The following SGCD variants were observed in gnomAD, a reference collection of about 807,000 sequenced individuals.
The protein encoded by SGCD is sarcoglycan delta.
Under a neutral mutation model 36.6 loss-of-function variants are expected in SGCD, and 18 were observed. The observed-to-expected ratio is 0.49, with a 90% confidence interval of 0.34 to 0.73. SGCD has a LOEUF of 0.73. Ranked by LOEUF, SGCD falls within the 30% of genes least tolerant of loss-of-function variation. The pLI is 0.01. For missense variants in SGCD, 387 were observed against 346.7 expected (o/e 1.12, Z -0.92); for synonymous variants, 133 against 130.6 (o/e 1.02, Z -0.12).
intron 5 of SGCD, among the ~76,000 whole-genome samples, chr5:156,593,097 A>G (rs971527753): frequency 2.6e-5 from 4 of 152,188 alleles, no homozygotes; most frequent in African/African-American, 9.7e-5. Flanking sequence ...TATAACATAG[A>G]TAGATACAGT....
chr5:156,706,312 A>G (rs992366252), intron 7 of SGCD, among the ~76,000 whole-genome samples: 2 of 152,280 alleles, frequency 1.3e-5, no homozygotes, highest in East Asian at 1.9e-4. Flanking sequence ...ATGTCATGAA[A>G]GGCTTTTGGA....
intron 7 of SGCD, among the ~76,000 whole-genome samples, chr5:156,697,320 C>T (rs1754359137): frequency 6.6e-6 from 1 of 152,102 alleles, no homozygotes; most frequent in South Asian, 2.1e-4. Context: ...GGCGCAGCTC[C>T]CTTGGACCCC....
intron 3 of SGCD, among the ~76,000 whole-genome samples, chr5:156,315,717 C>A (rs1280591730): frequency 6.6e-6 from 1 of 151,838 alleles, no homozygotes; most frequent in Non-Finnish European, 1.5e-5. Context: ...CTTGCCAATG[C>A]ATATATATAT....
rs147144585 is a variant in SGCD, at chr5:156,155,199, T to C, written c.-44+31180T>C. Among the ~76,000 whole-genome samples, 263 of 151,722 alleles carry C rather than the reference T, an allele frequency of 1.7e-3. 11 individuals carry two copies. Among genetic ancestry groups the C allele is most frequent in the African/African-American group, 6.1e-3 (249 of 41,000 alleles). On this transcript the variant is annotated intron_variant, in intron 3 of 9. Transcript: ENST00000517913. ...GTATTTCTCTATGAAAAATTATCTA[T>C]CTATCTATCTATCCGTCCATCTGTC...
chr5:155,774,923 G>T, the SGCD span, among the ~76,000 whole-genome samples: 1 of 152,062 alleles, frequency 6.6e-6, no homozygotes, highest in African/African-American at 2.4e-5. Flanking sequence ...CAGCAGCTCT[G>T]GTACCTTCTC....
chr5:156,082,849 A>C (rs561668880), intron 1 of SGCD, among the ~76,000 whole-genome samples: 2 of 152,322 alleles, frequency 1.3e-5, no homozygotes, highest in South Asian at 2.1e-4. Flanking sequence ...TGTTTTCCCA[A>C]AGTGGCTGTG....
At chr5:155,811,142 T>C in the SGCD span, among the ~76,000 whole-genome samples, 2 of 152,208 alleles carry the variant, frequency 1.3e-5, no homozygotes, top group South Asian at 4.1e-4. Flanking sequence ...ACTGATAATT[T>C]CCATTCAGCG....
chr5:156,632,017 A>G (rs779549260), intron 6 of SGCD, among the ~76,000 whole-genome samples: 2 of 152,210 alleles, frequency 1.3e-5, no homozygotes, highest in Non-Finnish European at 2.9e-5. Flanking sequence ...AAAAATGGGA[A>G]TTTGTAGACT....
At chr5:156,405,432 G>A (rs1772355296) in intron 3 of SGCD, among the ~76,000 whole-genome samples, 1 of 152,168 alleles carries the variant, frequency 6.6e-6, no homozygotes, top group Non-Finnish European at 1.5e-5. Context: ...AAGAGGATAG[G>A]TTTTTCTATC....
At chr5:156,548,858 G>A (rs1481665408) in intron 4 of SGCD, among the ~76,000 whole-genome samples, 4 of 152,054 alleles carry the variant, frequency 2.6e-5, no homozygotes, top group East Asian at 1.9e-4. Context: ...CTGATCCTGC[G>A]GGAAGAGATG....
In SGCD at chr5:156,153,964, C is replaced by A. The variant is rs945634050; in HGVS notation, c.-44+29945C>A. Among the ~76,000 whole-genome samples, 3 of 151,610 alleles carry A rather than the reference C, an allele frequency of 2.0e-5. 1 individual carries two copies. The highest frequency in any genetic ancestry group is 6.6e-5 in the Admixed American group (1 of 15,256). ...GCATTGGAACACTTTTTGCACACGA[C>A]ATGTTACCTGGAATCTTTATAAAAG... is the stretch of plus-strand genomic sequence containing the variant. On this transcript the variant is annotated intron_variant, in intron 3 of 9. Transcript: ENST00000517913.
chr5:156,372,657 G>A (rs1770447719), intron 3 of SGCD, among the ~76,000 whole-genome samples: 1 of 152,128 alleles, frequency 6.6e-6, no homozygotes, highest in East Asian at 1.9e-4. Flanking sequence ...AATTTATTCA[G>A]AATACTTTGA....
intron 3 of SGCD, among the ~76,000 whole-genome samples, chr5:156,170,294 T>G (rs1049704975): frequency 2.6e-5 from 4 of 152,188 alleles, no homozygotes; most frequent in South Asian, 4.1e-4. Flanking sequence ...TTTACCATTT[T>G]TAGTGTTGGG....
At chr5:156,344,726 C>G in intron 3 of SGCD, 49 bp downstream of exon 3, 2 of 1,389,342 alleles carry the variant, frequency 1.4e-6, no homozygotes, top group South Asian at 2.5e-5. Context: ...GGAGGGGAAG[C>G]GTGGGGCAAG....
intron 1 of SGCD, among the ~76,000 whole-genome samples, chr5:155,949,925 C>T (rs1203660318): frequency 6.6e-6 from 1 of 152,190 alleles, no homozygotes; most frequent in Non-Finnish European, 1.5e-5. Flanking sequence ...ACATACCTTT[C>T]TTTACATCCT....
intron 3 of SGCD, among the ~76,000 whole-genome samples, chr5:156,362,430 G>A (rs1371149142): frequency 1.3e-5 from 2 of 152,192 alleles, no homozygotes; most frequent in Admixed American, 1.3e-4. Flanking sequence ...GGCGGATCAT[G>A]AGGTCAAGAG....
intron 1 of SGCD, among the ~76,000 whole-genome samples, chr5:156,092,914 G>A (rs1285928548): frequency 1.3e-5 from 2 of 152,332 alleles, no homozygotes; most frequent in African/African-American, 4.8e-5. Context: ...TTGGTGCTTT[G>A]TGCTTCTGTT....
At chr5:156,720,726 T>C (rs982371798) in intron 7 of SGCD, among the ~76,000 whole-genome samples, 2 of 152,204 alleles carry the variant, frequency 1.3e-5, no homozygotes, top group Non-Finnish European at 2.9e-5. Context: ...CAAAGAAATC[T>C]TTATTTTCTA....
intron 3 of SGCD, among the ~76,000 whole-genome samples, chr5:156,215,649 A>G (rs1764551156): frequency 2.0e-5 from 3 of 152,208 alleles, no homozygotes; most frequent in Admixed American, 2.0e-4. Flanking sequence ...AACACCAGTT[A>G]GAATGGCTAT....
Sources: allele counts gnomAD v4.1 joint callset (sites outside exome capture counted in the v4.1 genomes callset), GRCh38; gene constraint gnomAD v4.1.1; transcripts MANE v1.5; gene names NCBI Gene and HGNC (gene_info 2026-07-23, HGNC 2026-07-21).